Variants in KLHL29 observed in about 807,000 individuals in gnomAD.
KLHL29 encodes kelch like family member 29, also known as kelch-like protein 29.
Under a neutral mutation model 80.4 loss-of-function variants are expected in KLHL29, and 21 were observed. That is an observed-to-expected ratio of 0.26 (90% CI 0.19 to 0.38). The LOEUF is 0.38. Ranked by LOEUF, KLHL29 falls within the 10% of genes least tolerant of loss-of-function variation. The probability of loss-of-function intolerance (pLI) is 1.00; values close to 1 mark genes in which losing one functional copy is unlikely to be tolerated. For synonymous variants in KLHL29, 511 were observed against 526.8 expected (o/e 0.97, Z 0.41); for missense variants, 867 against 1,223.9 (o/e 0.71, Z 4.35).
chr2:23,605,460 A>G (rs1340574326), intron 3 of KLHL29, among the ~76,000 whole-genome samples: 1 of 152,120 alleles, frequency 6.6e-6, no homozygotes, highest in Non-Finnish European at 1.5e-5. Context: ...GAGGCTTCAT[A>G]GGGCCCAGAC....
intron 1 of KLHL29, among the ~76,000 whole-genome samples, chr2:23,446,204 GTT>G (rs11421477): frequency 1.4e-5 from 2 of 144,102 alleles, no homozygotes; most frequent in South Asian, 2.2e-4. Flanking sequence ...TGCATTTGGA[GTT>G]TTTTTTTTTT....
At chr2:23,459,579 TGGAAGCAAAG>T (rs894472260) in intron 1 of KLHL29, among the ~76,000 whole-genome samples, 2 of 152,162 alleles carry the variant, frequency 1.3e-5, no homozygotes, top group Non-Finnish European at 2.9e-5. Context: ...TGTTGTGTTG[TGGAAGCAAAG>T]GGAAGCAAGG....
intron 5 of KLHL29, among the ~76,000 whole-genome samples, chr2:23,650,352 G>GTC (rs1047833451): frequency 8.4e-6 from 1 of 118,552 alleles, no homozygotes; most frequent in African/African-American, 2.5e-5. Flanking sequence ...CTATCATAGA[G>GTC]TCACACACAC....
chr2:23,643,221 G>C, intron 5 of KLHL29: 1 of 388,734 alleles, frequency 2.6e-6, no homozygotes, highest in Non-Finnish European at 4.8e-6. Context: ...TCAGGGCACC[G>C]CAGAACAGTC....
intron 2 of KLHL29, among the ~76,000 whole-genome samples, chr2:23,530,933 G>A (rs1558375504): frequency 6.6e-6 from 1 of 152,252 alleles, no homozygotes; most frequent in Admixed American, 6.5e-5. Flanking sequence ...AGCTCTGTCT[G>A]GAAGGATGCA....
chr2:23,402,743 A>G (rs1252491163), intron 1 of KLHL29, among the ~76,000 whole-genome samples: 4 of 152,216 alleles, frequency 2.6e-5, no homozygotes, highest in Admixed American at 2.0e-4. Flanking sequence ...ATGGATATTG[A>G]GAACAAAGTT....
chr2:23,703,808 G>A lies in KLHL29; in HGVS notation c.2389G>A (p.Glu797Lys), dbSNP rs1475699482. The change falls in exon 13 of 14, where the codon GAG becomes AAG. Residue 797 changes from glutamate to lysine, a missense_variant. Physicochemically the swap from Glu to Lys is moderately conservative, Grantham distance 56 (BLOSUM62 1). This residue lies in a region of KLHL29 where 443 missense variants were observed against 767.0 expected (regional missense o/e 0.58). Coordinates refer to ENST00000486442, the MANE Select transcript of KLHL29 (RefSeq NM_052920.2). ...YARATTIYDP[E>K]KGNIKAGPNM... Reference sequence around the variant, plus strand: ...CAGAGCTACCACCATCTACGACCCTGAGAAAGGAAACATTAAGGCGGGCCC... The same window carrying A: ...CAGAGCTACCACCATCTACGACCCTAAGAAAGGAAACATTAAGGCGGGCCC... The A allele has an allele frequency of 1.3e-6, 2 of 1,537,524 alleles. No individual in the cohort carries two copies. The highest frequency in any genetic ancestry group is 2.4e-5 in the East Asian group (1 of 40,920).
chr2:23,588,542 A>G (rs1668173901), intron 3 of KLHL29, among the ~76,000 whole-genome samples: 1 of 152,202 alleles, frequency 6.6e-6, no homozygotes, highest in Admixed American at 6.5e-5. Flanking sequence ...CCCTGCCCCA[A>G]GGAGCCCAGA....
chr2:23,401,301 G>A lies in KLHL29; in HGVS notation c.-154+15521G>A, dbSNP rs1666593634. On this transcript the variant is annotated intron_variant, in intron 1 of 13. Coordinates refer to ENST00000486442, the MANE Select transcript of KLHL29 (RefSeq NM_052920.2). ...CTCCAAGAGAAAAAGTATTTATGCC[G>A]GTTTCCCTCTCTCCATTCAGAAACC... is the stretch of plus-strand genomic sequence containing the variant. Among the ~76,000 whole-genome samples, 5 of 152,102 alleles carry A rather than the reference G, an allele frequency of 3.3e-5. No homozygotes were observed. The South Asian group carries it at 8.3e-4, about 25-fold the overall frequency.
chr2:23,622,430 A>T (rs1669205834), intron 3 of KLHL29, among the ~76,000 whole-genome samples: 1 of 151,736 alleles, frequency 6.6e-6, no homozygotes, highest in African/African-American at 2.4e-5. Flanking sequence ...TTCTTACCTG[A>T]CTCCACCGAT....
In KLHL29 at chr2:23,479,505, T is replaced by C. The variant is rs192948991; in HGVS notation, c.-46+3838T>C. On this transcript the variant is annotated intron_variant, in intron 2 of 13. Coordinates refer to ENST00000486442, the MANE Select transcript of KLHL29 (RefSeq NM_052920.2). ...GCCTCCTCCTGCCAGGAAGGGAAGC[T>C]GTTGGTGCCGCAGGCTTTCCTTGGC... is the stretch of plus-strand genomic sequence containing the variant. Among the ~76,000 whole-genome samples, 160 of 152,166 alleles carry C rather than the reference T, an allele frequency of 1.1e-3. 1 individual carries two copies. The highest frequency in any genetic ancestry group is 1.9e-3 in the Non-Finnish European group (132 of 67,996).
chr2:23,499,756 G>A (rs1219649229), intron 2 of KLHL29, among the ~76,000 whole-genome samples: 1 of 152,230 alleles, frequency 6.6e-6, no homozygotes, highest in South Asian at 2.1e-4. Context: ...TCTCTCAGGA[G>A]ATGAGGGAGG....
chr2:23,447,251 C>G (rs1663723825), intron 1 of KLHL29, among the ~76,000 whole-genome samples: 1 of 152,202 alleles, frequency 6.6e-6, no homozygotes, highest in Non-Finnish European at 1.5e-5. Flanking sequence ...CATCCAGTCA[C>G]TTGTTTTTGT....
In KLHL29 at chr2:23,684,170, T is replaced by G. The variant is rs976493760; in HGVS notation, c.941-229T>G. ...TTGTATCATATTTGGTTTTTTTGCT[T>G]TTTAAAGTTGTGATTCCTTTGGTTA... On this transcript the variant is annotated intron_variant, in intron 5 of 13. Coordinates refer to ENST00000486442, the MANE Select transcript of KLHL29 (RefSeq NM_052920.2). The surrounding 1 kb of genome is among the most constrained non-coding windows in gnomAD (Gnocchi z 4.4). 6.6e-6 allele frequency among the ~76,000 whole-genome samples: 1 copy of G among 152,214 alleles called. No individual in the cohort carries two copies. Among genetic ancestry groups the G allele is most frequent in the Non-Finnish European group, 1.5e-5 (1 of 68,034 alleles).
chr2:23,419,440 C>T (rs917357926), intron 1 of KLHL29, among the ~76,000 whole-genome samples: 4 of 152,236 alleles, frequency 2.6e-5, no homozygotes, highest in Admixed American at 6.5e-5. Flanking sequence ...CCCGCGCTGT[C>T]GGTGGGAGCC....
At chr2:23,706,405 C>A in intron 13 of KLHL29, 76 bp from the exon 14 acceptor site, 1 of 1,191,676 alleles carries the variant, frequency 8.4e-7, no homozygotes, top group Non-Finnish European at 1.1e-6. Context: ...TACAACAGGA[C>A]ACGACGTTGA....
At chr2:23,703,424 C>G (rs1572537793) in intron 12 of KLHL29, 45 bp downstream of exon 12, 7 of 1,397,322 alleles carry the variant, frequency 5.0e-6, no homozygotes, top group Middle Eastern at 3.7e-4. Flanking sequence ...GGTCGCATCC[C>G]TGCCTTGCTG....
intron 1 of KLHL29, among the ~76,000 whole-genome samples, chr2:23,461,975 C>CTTTTTTTTT (rs1164075132): frequency 0.12 from 9,766 of 78,722 alleles, 841 homozygotes; most frequent in East Asian, 0.3. Context: ...CGGTTTTTGC[C>CTTTTTTTTT]ATTTTTTTTT....
At chr2:23,465,129 G>A (rs1463017130) in intron 1 of KLHL29, among the ~76,000 whole-genome samples, 1 of 152,182 alleles carries the variant, frequency 6.6e-6, no homozygotes, top group Non-Finnish European at 1.5e-5. Context: ...CTACTGTGGG[G>A]ATGAGCAAAC....
Sources: gnomAD v4.1 joint callset for allele counts (sites outside exome capture counted in the v4.1 genomes callset) on GRCh38, gnomAD v4.1.1 for gene constraint, gnomAD v4.1.1 regional missense constraint, Gnocchi (gnomAD v3.1) non-coding constraint, MANE v1.5 for transcripts, NCBI Gene and HGNC (gene_info 2026-07-23, HGNC 2026-07-21) for gene names.